Variants in MAP2K1 observed in about 807,000 individuals in gnomAD.
MAP2K1 encodes dual specificity mitogen-activated protein kinase kinase 1.
Under a neutral mutation model 46.3 loss-of-function variants are expected in MAP2K1, and 16 were observed. That is an observed-to-expected ratio of 0.35 (90% confidence interval 0.23 to 0.52). The LOEUF is 0.52. Among genes scored for constraint, MAP2K1 ranks in the 20% least tolerant of loss-of-function variants. MAP2K1 has a pLI of 0.94. For missense variants in MAP2K1, 263 were observed against 497.1 expected (o/e 0.53, Z 4.48); for synonymous variants, 183 against 185.6 (o/e 0.99, Z 0.11).
rs536564718 is a variant in MAP2K1, at chr15:66,412,934, C to T, written c.81-22093C>T. On this transcript the variant is annotated intron_variant, in intron 1 of 10. Coordinates refer to ENST00000307102, the MANE Select transcript of MAP2K1 (RefSeq NM_002755.4). ...ATTTTTTGACACAGTCTCTCTCTGT[C>T]GCCCTGGCTGGAGTACAGTGGCGTG... Among the ~76,000 whole-genome samples, 19 of 152,082 alleles carry T rather than the reference C, an allele frequency of 1.2e-4. 1 individual carries two copies. The highest frequency in any genetic ancestry group is 1.6e-4 in the Non-Finnish European group (11 of 67,986).
intron 5 of MAP2K1, among the ~76,000 whole-genome samples, chr15:66,479,302 T>A (rs1380488558): frequency 6.6e-6 from 1 of 152,026 alleles, no homozygotes; most frequent in Non-Finnish European, 1.5e-5. Context: ...TTCACCATGT[T>A]GGCCAGGCTG....
chr15:66,429,682 C>T (rs1448003502), intron 1 of MAP2K1, among the ~76,000 whole-genome samples: 2 of 122,766 alleles, frequency 1.6e-5, no homozygotes, highest in African/African-American at 5.6e-5. Context: ...CCCCCCCGTC[C>T]CCCCCAACAC....
chr15:66,401,926 C>A (rs1179721090), intron 1 of MAP2K1: 2 of 1,300,774 alleles, frequency 1.5e-6, no homozygotes, highest in Non-Finnish European at 2.0e-6. Context: ...CGGTTCGGGT[C>A]GAAGGAAATG....
At chr15:66,489,333 C>A (rs1005482307) in intron 9 of MAP2K1, 57 bp downstream of exon 9, 4 of 1,492,754 alleles carry the variant, frequency 2.7e-6, no homozygotes, top group Non-Finnish European at 3.7e-6. Context: ...AGGCTCCCCA[C>A]CCCATTTCTG....
chr15:66,391,366 G>A (rs1326944251), intron 1 of MAP2K1, among the ~76,000 whole-genome samples: 1 of 152,204 alleles, frequency 6.6e-6, no homozygotes, highest in Non-Finnish European at 1.5e-5. Flanking sequence ...TCGGCTCACT[G>A]CAAGCTCCGC....
At chr15:66,483,944 T>C (rs1241357942) in intron 6 of MAP2K1, among the ~76,000 whole-genome samples, 2 of 151,870 alleles carry the variant, frequency 1.3e-5, no homozygotes, top group Non-Finnish European at 2.9e-5. Flanking sequence ...GAGACGGGGT[T>C]TCACCGTGTT....
chr15:66,475,823 C>G (rs546873116), intron 5 of MAP2K1, among the ~76,000 whole-genome samples: 1 of 152,154 alleles, frequency 6.6e-6, no homozygotes, highest in Non-Finnish European at 1.5e-5. Flanking sequence ...GATTCTGTCT[C>G]CCCTGATGGT....
chr15:66,433,635 G>A (rs554868537), intron 1 of MAP2K1, among the ~76,000 whole-genome samples: 2 of 152,238 alleles, frequency 1.3e-5, no homozygotes, highest in East Asian at 1.9e-4. Flanking sequence ...CTAGAGGTTT[G>A]GGATAGAGGG....
At chr15:66,478,080 C>T (rs969393558) in intron 5 of MAP2K1, among the ~76,000 whole-genome samples, 2 of 151,744 alleles carry the variant, frequency 1.3e-5, no homozygotes, top group African/African-American at 4.8e-5. Context: ...CCTCTCCTCC[C>T]GAAGTTCAGA....
In MAP2K1 at chr15:66,490,765, G is replaced by A; in HGVS notation, c.*150G>A. On this transcript the variant is annotated 3_prime_UTR_variant, in exon 11 of 11. Transcript: ENST00000307102. ...CAGCATGTGCCAAGATTCTACTCTT[G>A]TCATTTTTAATATTACTGTCTTTAT... 1.4e-6 allele frequency: 1 copy of A among 711,648 alleles called. No individual in the cohort carries two copies. 44.1% of individuals were successfully genotyped at this position (711,648 alleles called of 1,614,324 possible).
chr15:66,427,184 TA>T (rs1273134179), intron 1 of MAP2K1, among the ~76,000 whole-genome samples: 5 of 152,186 alleles, frequency 3.3e-5, no homozygotes, highest in African/African-American at 7.2e-5. Flanking sequence ...GAGAGTGAAA[TA>T]TTTTTTTAAA....
At chr15:66,420,781 A>G (rs756931359) in intron 1 of MAP2K1, among the ~76,000 whole-genome samples, 1,412 of 38,302 alleles carry the variant, frequency 0.037, 193 homozygotes, top group East Asian at 0.1. Flanking sequence ...ATATATGTGT[A>G]TATATATGTG....
At chr15:66,390,827 A>C (rs2093354652) in intron 1 of MAP2K1, among the ~76,000 whole-genome samples, 1 of 150,714 alleles carries the variant, frequency 6.6e-6, no homozygotes, top group Non-Finnish European at 1.5e-5. Flanking sequence ...ATTTCCTGCC[A>C]CTCCTTTCTT....
chr15:66,392,254 GGTTTTTTT>G (rs572936727), intron 1 of MAP2K1, among the ~76,000 whole-genome samples: 8,257 of 79,964 alleles, frequency 0.1, 444 homozygotes, highest in Middle Eastern at 0.24. Context: ...GTTTTTTTTG[GGTTTTTTT>G]TTTTTTTTTT....
intron 1 of MAP2K1, among the ~76,000 whole-genome samples, chr15:66,418,091 A>G (rs868109072): frequency 6.6e-6 from 1 of 152,242 alleles, no homozygotes; most frequent in Non-Finnish European, 1.5e-5. Flanking sequence ...TCCCAAGCAT[A>G]GGAGCTCAAA....
rs1181121629 is a variant in MAP2K1, at chr15:66,402,023, C to A, written c.80+14596C>A. The A allele has an allele frequency of 3.8e-6, 5 of 1,327,314 alleles. No individual in the cohort carries two copies. In the African/African-American group the frequency reaches 5.9e-5, roughly 16 times the overall value. 82.2% of individuals were successfully genotyped at this position (1,327,314 alleles called of 1,614,324 possible). Reference sequence around the variant, plus strand: ...ATGCAAATTTTTCTTCCTTTCTGATCATTTTAAAGTATTTCTGAGTAGTTT... The same window carrying A: ...ATGCAAATTTTTCTTCCTTTCTGATAATTTTAAAGTATTTCTGAGTAGTTT... On this transcript the variant is annotated intron_variant, in intron 1 of 10. Coordinates refer to ENST00000307102, the MANE Select transcript of MAP2K1 (RefSeq NM_002755.4).
intron 5 of MAP2K1, among the ~76,000 whole-genome samples, chr15:66,471,991 C>T (rs1242943392): frequency 2.8e-5 from 4 of 141,174 alleles, no homozygotes; most frequent in Admixed American, 1.5e-4. Flanking sequence ...GCAGGAGAAT[C>T]GGTTGAACCG....
At chr15:66,479,850 G>A (rs1567024199) in intron 5 of MAP2K1, among the ~76,000 whole-genome samples, 1 of 152,126 alleles carries the variant, frequency 6.6e-6, no homozygotes, top group Non-Finnish European at 1.5e-5. Flanking sequence ...GAGGGGCCAA[G>A]TGGAGTTGGG....
chr15:66,461,427 A>G lies in MAP2K1; in HGVS notation c.568+16720A>G, dbSNP rs896251705. 4.6e-5 allele frequency among the ~76,000 whole-genome samples: 7 copies of G among 151,832 alleles called. No individual in the cohort carries two copies. In the South Asian group the frequency reaches 1.0e-3, roughly 23 times the overall value. On this transcript the variant is annotated intron_variant, in intron 5 of 10. Coordinates refer to ENST00000307102, the MANE Select transcript of MAP2K1 (RefSeq NM_002755.4). ...GGGAGATGGAGGTTGCAGTGAGTCA[A>G]GATTGCGCCACTGCACTCCAGCCTG... is the stretch of plus-strand genomic sequence containing the variant.
Sources: allele counts gnomAD v4.1 joint callset (sites outside exome capture counted in the v4.1 genomes callset), GRCh38; gene constraint gnomAD v4.1.1; transcripts MANE v1.5; gene names NCBI Gene and HGNC (gene_info 2026-07-23, HGNC 2026-07-21).